The following ATAD2 variants were observed in gnomAD, a reference collection of about 807,000 sequenced individuals.
ATAD2 encodes the protein ATPase family AAA domain containing 2.
ATAD2 carries 62 observed loss-of-function variants against 168.9 expected under a neutral mutation model. The observed-to-expected ratio is 0.37, with a 90% CI of 0.30 to 0.45. The LOEUF is 0.45. Among genes scored for constraint, ATAD2 ranks in the 20% least tolerant of loss-of-function variants. The pLI is 1.00. For synonymous variants in ATAD2, 613 were observed against 571.6 expected (o/e 1.07, Z -1.03); for missense variants, 1,419 against 1,667.8 (o/e 0.85, Z 2.60).
intron 2 of ATAD2, among the ~76,000 whole-genome samples, chr8:123,374,458 T>C (rs920547208): frequency 6.6e-6 from 1 of 152,194 alleles, no homozygotes; most frequent in Non-Finnish European, 1.5e-5. Context: ...CCTCCCTTCA[T>C]ACCATGTAGG....
chr8:123,344,344 CTTTTTTTTTTT>C (rs764379399), intron 19 of ATAD2, among the ~76,000 whole-genome samples: 1 of 125,844 alleles, frequency 7.9e-6, no homozygotes, highest in South Asian at 2.5e-4. Context: ...TTTTTAAATA[CTTTTTTTTTTT>C]TTTTTTTTTT....
intron 8 of ATAD2, among the ~76,000 whole-genome samples, chr8:123,367,290 G>A (rs747474051): frequency 1.2e-4 from 19 of 152,114 alleles, no homozygotes; most frequent in Admixed American, 4.6e-4. Context: ...GGTGGCAGAC[G>A]CCTGTGATCC....
At chr8:123,387,175 T>C (rs1586902474) in intron 1 of ATAD2, among the ~76,000 whole-genome samples, 1 of 152,148 alleles carries the variant, frequency 6.6e-6, no homozygotes, top group Non-Finnish European at 1.5e-5. Flanking sequence ...TACTATATGT[T>C]TTATAAGTTT....
chr8:123,397,636 T>C (rs1324101152), upstream of ATAD2, among the ~76,000 whole-genome samples: 1 of 152,174 alleles, frequency 6.6e-6, no homozygotes, highest in Non-Finnish European at 1.5e-5. Flanking sequence ...TAAATACATA[T>C]TGAGCCTCTA....
Position 123,402,845 on chromosome 8 carries a change from A to T in ATAD2, c.-2281-1670T>A, listed in dbSNP as rs965578249. ...ATAATAATAATAATAATAATAATAA[A>T]AATCAACACACTACACACAGCTTCA... On this transcript the variant is annotated intron_variant, in intron 1 of 28. Transcript: ENST00000521903. This position sits in a 1 kb window ranked among gnomAD's most constrained non-coding sequence, Gnocchi z 4.8. Among the ~76,000 whole-genome samples the T allele has an allele frequency of 1.5e-5, 2 of 135,514 alleles. No homozygotes were observed. Among genetic ancestry groups the T allele is most frequent in the Non-Finnish European group, 3.4e-5 (2 of 58,842 alleles). The allele number at this position is 135,514 out of a possible 152,430, so 88.9% of individuals were successfully genotyped here. A position where few individuals can be genotyped will look rare whatever the true frequency, so the allele number is the denominator to read the frequency against.
chr8:123,359,464 G>A (rs1828746194), intron 10 of ATAD2, 113 bp downstream of exon 10: 4 of 1,254,532 alleles, frequency 3.2e-6, no homozygotes, highest in Non-Finnish European at 4.5e-6. Flanking sequence ...GAAAACGTCT[G>A]TAAAGGTTAG....
chr8:123,401,556 TC>T, intron 1 of ATAD2: 1 of 1,505,674 alleles, frequency 6.6e-7, no homozygotes, highest in Non-Finnish European at 9.1e-7. Context: ...AGGCTGCGGC[TC>T]CCTCTGCATC....
rs1026637752 is a variant in ATAD2 at position 123,337,084 on chromosome 8, C to T, written c.3051+541G>A. Reference sequence around the variant, plus strand: ...AAAAAAAAAAAAAAAAAGGGGGGGCCGAGCATGGTGGCTCATGCCTGTAAT... The same window carrying T: ...AAAAAAAAAAAAAAAAAGGGGGGGCTGAGCATGGTGGCTCATGCCTGTAAT... On this transcript the variant is annotated intron_variant, in intron 21 of 27. Coordinates refer to ENST00000287394, the MANE Select transcript of ATAD2 (RefSeq NM_014109.4). Among the ~76,000 whole-genome samples, 82 of 148,644 alleles carry T rather than the reference C, an allele frequency of 5.5e-4. 1 individual carries two copies. The highest frequency in any genetic ancestry group is 2.1e-3 in the Admixed American group (32 of 14,898).
intron 19 of ATAD2, among the ~76,000 whole-genome samples, chr8:123,343,078 G>A (rs1346554977): frequency 4.0e-5 from 6 of 151,266 alleles, no homozygotes; most frequent in African/African-American, 1.2e-4. Flanking sequence ...CCCACCTTCC[G>A]GGTTCAAGCG....
chr8:123,389,218 C>T (rs1322691098), intron 1 of ATAD2, among the ~76,000 whole-genome samples: 5 of 147,958 alleles, frequency 3.4e-5, no homozygotes, highest in Admixed American at 6.7e-5. Context: ...CCTCCTGATC[C>T]GCCCGCCTTG....
rs1208589389 is a variant in ATAD2, at chr8:123,361,566, T to A, written c.1130A>T (p.Lys377Ile). The stretch of plus-strand genomic sequence containing the variant: ...ATTGATAGCCCTATTACGACTCCTT[T>A]TCCTCCGCCTCTCAAAGTGCTGTTC... Reference protein sequence around the residue: ...EDEQHFERRRKRSRNRAINRC... With the variant: ...EDEQHFERRRIRSRNRAINRC... The change falls in exon 9 of 28, where the codon AAA (lysine) becomes ATA (isoleucine). Residue 377 changes from lysine (K) to isoleucine (I), a missense_variant. Around this residue, in one of 5 missense-constraint regions of ATAD2, gnomAD observed 146 missense variants for 188.3 expected, o/e 0.78. Coordinates refer to ENST00000287394, the MANE Select transcript of ATAD2 (RefSeq NM_014109.4). 1 of 1,613,386 alleles carries A rather than the reference T, an allele frequency of 6.2e-7. No homozygotes were observed. The highest frequency in any genetic ancestry group is 8.5e-7 in the Non-Finnish European group (1 of 1,179,504).
chr8:123,347,940 G>A lies in ATAD2; in HGVS notation c.1897+243C>T. On this transcript the variant is annotated intron_variant, in intron 15 of 27. Transcript: ENST00000287394. ...TATTATTATCTACTCTGCCCCTGAT[G>A]GCCAATTTGTCAAATATCTCTATTT... The A allele has an allele frequency of 2.5e-5, 13 of 530,110 alleles. 1 individual carries two copies. In the South Asian group the frequency reaches 2.5e-4, roughly 10 times the overall value. 32.8% of individuals were successfully genotyped at this position (530,110 alleles called of 1,614,324 possible).
intron 1 of ATAD2, among the ~76,000 whole-genome samples, chr8:123,394,014 T>C (rs914972870): frequency 6.6e-6 from 1 of 152,154 alleles, no homozygotes; most frequent in Non-Finnish European, 1.5e-5. Flanking sequence ...TTGGAATATA[T>C]TTTGAAAGTG....
intron 1 of ATAD2, among the ~76,000 whole-genome samples, chr8:123,416,031 T>C (rs1166191405): frequency 6.6e-6 from 1 of 152,134 alleles, no homozygotes; most frequent in Non-Finnish European, 1.5e-5. Flanking sequence ...AGGGAATTAA[T>C]ATATCTTTTC....
At chr8:123,372,194 G>C (rs573699790) in intron 3 of ATAD2, among the ~76,000 whole-genome samples, 2 of 152,306 alleles carry the variant, frequency 1.3e-5, no homozygotes, top group East Asian at 3.9e-4. Context: ...CAACAAAAAA[G>C]TGACCACATG....
At chr8:123,370,055 G>A in intron 6 of ATAD2, 31 bp from the exon 7 acceptor site, 2 of 1,560,788 alleles carry the variant, frequency 1.3e-6, no homozygotes, top group Non-Finnish European at 1.7e-6. Flanking sequence ...CTTCCAGAAA[G>A]ATACTCAGCA....
chr8:123,372,522 C>T (rs764571907), intron 3 of ATAD2, 115 bp downstream of exon 3: 6 of 783,906 alleles, frequency 7.7e-6, no homozygotes, highest in Non-Finnish European at 1.2e-5. Context: ...TACGTTAAAA[C>T]CTAACAAATT....
At chr8:123,386,764 A>G (rs1829656950) in intron 1 of ATAD2, among the ~76,000 whole-genome samples, 1 of 152,154 alleles carries the variant, frequency 6.6e-6, no homozygotes, top group Non-Finnish European at 1.5e-5. Flanking sequence ...AAAGGGGTGG[A>G]TGGGGACAAT....
chr8:123,394,057 G>A (rs1461463623), intron 1 of ATAD2, among the ~76,000 whole-genome samples: 1 of 151,734 alleles, frequency 6.6e-6, no homozygotes, highest in African/African-American at 2.4e-5. Flanking sequence ...CACTGGATGT[G>A]AGGAGTCAAC....
Sources: gnomAD v4.1 joint callset for allele counts (sites outside exome capture counted in the v4.1 genomes callset) on GRCh38, gnomAD v4.1.1 for gene constraint, gnomAD v4.1.1 regional missense constraint, Gnocchi (gnomAD v3.1) non-coding constraint, MANE v1.5 for transcripts, NCBI Gene and HGNC (gene_info 2026-07-23, HGNC 2026-07-21) for gene names.